ZNF675: variants seen among roughly 807,000 people sequenced by gnomAD.
ZNF675 encodes the protein zinc finger protein 675, also known as TRAF6 inhibitory zinc finger.
ZNF675 carries 36 observed loss-of-function variants against 56.1 expected under a neutral mutation model. The ratio of observed to expected loss-of-function variants is 0.64; its 90% CI spans 0.49 to 0.85. The LOEUF is 0.85. ZNF675 is among the 40% of genes least tolerant of loss of function. ZNF675 has a pLI of 0.00. For missense variants in ZNF675, 663 were observed against 654.2 expected, an observed-to-expected ratio of 1.01 and a Z score of -0.15; for synonymous variants, 200 against 218.9, an observed-to-expected ratio of 0.91 and a Z score of 0.76.
intron 3 of ZNF675, chr19:23,658,805 A>G (rs368543048): frequency 2.7e-4 from 1 of 3,706 alleles, no homozygotes; most frequent in Non-Finnish European, 1.1e-3. Context: ...ATAGATATCT[A>G]TAGAGATATA....
In ZNF675 at chr19:23,653,973, A is replaced by T; in HGVS notation, c.960T>A (p.Ala320=). 1 of 1,613,684 alleles carries T rather than the reference A, an allele frequency of 6.2e-7. No individual in the cohort carries two copies. The highest frequency in any genetic ancestry group is 8.5e-7 in the Non-Finnish European group (1 of 1,179,880). The change falls in exon 4 of 4, where the codon GCT becomes GCA. Residue 320 remains alanine, a synonymous_variant. Coordinates refer to ENST00000359788, the MANE Select transcript of ZNF675 (RefSeq NM_138330.3). ...TAGTAAGGGTTGAGGATTGGGTAAA[A>T]GCCTTGCCACATTCTTCACATATGT... The part of the protein sequence containing the change: ...QPYICEECGK[A]FTQSSTLTTH...
intron 1 of ZNF675, among the ~76,000 whole-genome samples, chr19:23,684,070 G>C (rs1340475128): frequency 6.6e-6 from 1 of 151,112 alleles, no homozygotes; most frequent in Non-Finnish European, 1.5e-5. Context: ...GACCATCCTG[G>C]CTAACACGGT....
At chr19:23,664,811 C>T (rs1968127913) in intron 1 of ZNF675, among the ~76,000 whole-genome samples, 1 of 151,986 alleles carries the variant, frequency 6.6e-6, no homozygotes, top group Non-Finnish European at 1.5e-5. Context: ...ATTAGCCAGG[C>T]ATAATGGTAC....
At chr19:23,668,070 A>T (rs922056226) in intron 1 of ZNF675, among the ~76,000 whole-genome samples, 3 of 139,984 alleles carry the variant, frequency 2.1e-5, no homozygotes, top group African/African-American at 8.1e-5. Flanking sequence ...CTAGACATAA[A>T]GGTTCTCCAA....
chr19:23,654,407 C>T lies in ZNF675; in HGVS notation c.526G>A (p.Glu176Lys). ...HMENKPFKCK[E>K]CGRSFCMLSH... ...AGCATGCAAAATGATCTGCCACATT[C>T]TTTACATTTGAAAGGTTTATTTTCC... The change falls in exon 4 of 4, where the codon GAA becomes AAA. Residue 176 changes from glutamate to lysine, a missense_variant. Physicochemically the swap from Glu to Lys is moderately conservative, Grantham distance 56. This residue lies in a region of ZNF675 where 617 missense variants were observed against 590.5 expected (regional missense o/e 1.04). Transcript: ENST00000359788. 6.2e-7 allele frequency: 1 copy of T among 1,610,898 alleles called. No homozygotes were observed. Among genetic ancestry groups the T allele is most frequent in the Non-Finnish European group, 8.5e-7 (1 of 1,178,134 alleles).
chr19:23,668,533 C>G (rs1394045605), intron 1 of ZNF675, among the ~76,000 whole-genome samples: 1 of 152,214 alleles, frequency 6.6e-6, no homozygotes, highest in Admixed American at 6.5e-5. Flanking sequence ...GCTCACACTC[C>G]TCAGCCCTTG....
intron 1 of ZNF675, among the ~76,000 whole-genome samples, chr19:23,674,995 A>C (rs1034754107): frequency 1.3e-5 from 2 of 150,398 alleles, no homozygotes; most frequent in Admixed American, 6.6e-5. Flanking sequence ...AGAGAGAGAG[A>C]GAGCCTTTTA....
intron 1 of ZNF675, among the ~76,000 whole-genome samples, chr19:23,676,045 C>G (rs538640004): frequency 6.8e-6 from 1 of 146,328 alleles, no homozygotes; most frequent in South Asian, 2.1e-4. Context: ...GGCAAAAATA[C>G]AAACAAGGAT....
intron 1 of ZNF675, among the ~76,000 whole-genome samples, chr19:23,668,988 G>T (rs1483687377): frequency 6.6e-6 from 1 of 152,226 alleles, no homozygotes; most frequent in Non-Finnish European, 1.5e-5. Context: ...GTGCAGCGGT[G>T]GGCTGAAGGG....
At chr19:23,683,274 A>G (rs1968400589) in intron 1 of ZNF675, among the ~76,000 whole-genome samples, 1 of 151,782 alleles carries the variant, frequency 6.6e-6, no homozygotes, top group Non-Finnish European at 1.5e-5. Flanking sequence ...CATAACACTT[A>G]GCATTAAATT....
Position 23,662,130 on chromosome 19 carries a change from C to T in ZNF675, c.210G>A (p.Met70Ile). ...CTCACTTACCTGGGGGTTCATTCAC[C>T]ATCTCATGTCTCTTCACAGTCAAAG... The part of the protein sequence containing the change: ...KEPLTVKRHE[M>I]VNEPPVMCSH... Residue 70 changes from methionine to isoleucine, a missense_variant, in exon 3 of 4, where the codon ATG (methionine) becomes ATA (isoleucine). By Grantham distance (10) the Met-to-Ile change is conservative (BLOSUM62 1). Around this residue, in one of 3 missense-constraint regions of ZNF675, gnomAD observed 617 missense variants for 590.5 expected, o/e 1.04. Coordinates refer to ENST00000359788, the MANE Select transcript of ZNF675 (RefSeq NM_138330.3). The T allele has an allele frequency of 6.2e-7, 1 of 1,613,380 alleles. No homozygotes were observed. Among genetic ancestry groups the T allele is most frequent in the Non-Finnish European group, 8.5e-7 (1 of 1,179,554 alleles).
intron 1 of ZNF675, among the ~76,000 whole-genome samples, chr19:23,666,519 C>T (rs952214989): frequency 3.3e-5 from 5 of 152,138 alleles, no homozygotes; most frequent in Admixed American, 6.5e-5. Flanking sequence ...AGCCATTGTT[C>T]GGGCCCACTT....
intron 1 of ZNF675, among the ~76,000 whole-genome samples, chr19:23,669,763 G>A (rs1055482411): frequency 6.6e-6 from 1 of 151,738 alleles, no homozygotes; most frequent in Non-Finnish European, 1.5e-5. Context: ...TGAGGCAGGA[G>A]AATCGCTTGA....
intron 1 of ZNF675, among the ~76,000 whole-genome samples, chr19:23,669,701 A>C (rs1246795747): frequency 6.6e-6 from 1 of 152,030 alleles, no homozygotes; most frequent in African/African-American, 2.4e-5. Context: ...AACTACAGAA[A>C]AATTAGTCTT....
chr19:23,655,830 G>A (rs1217926464), intron 3 of ZNF675: 4 of 152,194 alleles, frequency 2.6e-5, no homozygotes, highest in Admixed American at 2.6e-4. Context: ...ATTTAAGAAT[G>A]CTGGCTGGGT....
chr19:23,678,261 CTT>C (rs71165873), intron 1 of ZNF675, among the ~76,000 whole-genome samples: 3,103 of 139,546 alleles, frequency 0.022, 196 homozygotes, highest in African/African-American at 0.079. Flanking sequence ...CAAAAATATT[CTT>C]TTTTTTTTTT....
chr19:23,658,974 G>T (rs1968040038), intron 3 of ZNF675, among the ~76,000 whole-genome samples: 1 of 103,984 alleles, frequency 9.6e-6, no homozygotes, highest in Non-Finnish European at 2.0e-5. Flanking sequence ...GATAGATATA[G>T]ATCTAGAGAT....
intron 1 of ZNF675, among the ~76,000 whole-genome samples, chr19:23,664,863 ATCGT>A (rs1968129050): frequency 6.6e-6 from 1 of 152,298 alleles, no homozygotes; most frequent in African/African-American, 2.4e-5. Flanking sequence ...AGGCAGGAGA[ATCGT>A]TTAAACCTGG....
In ZNF675 at chr19:23,658,803, C is replaced by A. The variant is rs201294579; in HGVS notation, c.226+3311G>T. On this transcript the variant is annotated intron_variant, in intron 3 of 3. Transcript: ENST00000359788. The stretch of plus-strand genomic sequence containing the variant: ...TTGCTATATATATATCTATAGATAT[C>A]TATAGAGATATAGATCTATATCTCT... 9 of 2,414 alleles carry A rather than the reference C, an allele frequency of 3.7e-3. No individual in the cohort carries two copies. In the East Asian group the frequency reaches 0.21, roughly 56 times the overall value. The allele number at this position is 2,414 out of a possible 1,614,324, so 0.1% of individuals were successfully genotyped here.
Sources: gnomAD v4.1 joint callset for allele counts (sites outside exome capture counted in the v4.1 genomes callset) on GRCh38, gnomAD v4.1.1 for gene constraint, gnomAD v4.1.1 regional missense constraint, MANE v1.5 for transcripts, NCBI Gene and HGNC (gene_info 2026-07-23, HGNC 2026-07-21) for gene names.